The following RASA2 variants were observed in gnomAD, a reference collection of about 807,000 sequenced individuals.
RASA2 encodes the protein ras GTPase-activating protein 2.
RASA2 carries 155 observed loss-of-function variants against 118.2 expected under a neutral mutation model. The ratio of observed to expected loss-of-function variants is 1.31; its 90% CI spans 1.15 to 1.50. The LOEUF (loss-of-function observed/expected upper bound fraction) is 1.50, where lower values mean the gene tolerates loss of function less well. RASA2 is among the 40% of genes most tolerant of loss of function. The pLI, the probability that RASA2 is intolerant of heterozygous loss-of-function variation, is 0.00. For synonymous variants in RASA2, 353 were observed against 349.1 expected, an observed-to-expected ratio of 1.01 and a Z score of -0.12; for missense variants, 1,016 against 1,009.6, an observed-to-expected ratio of 1.01 and a Z score of -0.09.
At chr3:141,496,619 T>C (rs1249261696) in intron 1 of RASA2, among the ~76,000 whole-genome samples, 5 of 151,728 alleles carry the variant, frequency 3.3e-5, no homozygotes, top group Admixed American at 6.6e-5. Context: ...AATGAGATAC[T>C]ATCTCACACC....
intron 1 of RASA2, among the ~76,000 whole-genome samples, chr3:141,487,867 T>C (rs2081597439): frequency 6.6e-6 from 1 of 152,130 alleles, no homozygotes; most frequent in South Asian, 2.1e-4. Context: ...CACCTGTACT[T>C]GCCCCACCTC....
intron 2 of RASA2, among the ~76,000 whole-genome samples, chr3:141,514,788 C>T (rs780660867): frequency 1.3e-5 from 2 of 152,084 alleles, no homozygotes; most frequent in Non-Finnish European, 1.5e-5. Context: ...CATCACTAGG[C>T]GAATGGATTT....
intron 1 of RASA2, among the ~76,000 whole-genome samples, chr3:141,488,617 A>C (rs952676756): frequency 6.6e-6 from 1 of 152,206 alleles, no homozygotes; most frequent in African/African-American, 2.4e-5. Context: ...AGAGAGGTAG[A>C]TCTTAGTTCC....
In RASA2 at chr3:141,613,410, A is replaced by G. The variant is rs894335596; in HGVS notation, c.*1097A>G. The G allele has an allele frequency of 6.6e-6, 1 of 152,204 alleles. No homozygotes were observed. The highest frequency in any genetic ancestry group is 2.4e-5 in the African/African-American group (1 of 41,442). The allele number at this position is 152,204 out of a possible 1,614,324, so 9.4% of individuals were successfully genotyped here. On this transcript the variant is annotated 3_prime_UTR_variant, in exon 24 of 24. Coordinates refer to ENST00000286364, the MANE Select transcript of RASA2 (RefSeq NM_006506.5). Reference sequence around the variant, plus strand: ...CTGCTAGCCAAATGGAATTTGGGCAAGCAACTCTTTGAAGACTTTTTTACC... The same window carrying G: ...CTGCTAGCCAAATGGAATTTGGGCAGGCAACTCTTTGAAGACTTTTTTACC...
At chr3:141,529,080 C>T (rs1276253725) in intron 3 of RASA2, among the ~76,000 whole-genome samples, 1 of 151,984 alleles carries the variant, frequency 6.6e-6, no homozygotes, top group Non-Finnish European at 1.5e-5. Context: ...TGTACTGTAT[C>T]TTCCTCTGAG....
intron 18 of RASA2, among the ~76,000 whole-genome samples, 181 bp from the exon 19 acceptor site, chr3:141,586,452 TTAAATTAATTAAA>T (rs2083203354): frequency 2.0e-5 from 3 of 152,206 alleles, no homozygotes; most frequent in Non-Finnish European, 2.9e-5. Context: ...ATTAAAAATA[TTAAATTAATTAAA>T]GACCTTATTC....
intron 3 of RASA2, among the ~76,000 whole-genome samples, chr3:141,522,117 T>C (rs2082119756): frequency 6.6e-6 from 1 of 152,112 alleles, no homozygotes; most frequent in Admixed American, 6.5e-5. Context: ...GAGTAATGTA[T>C]GGATTTTTTT....
rs114140780 is a variant in RASA2 at position 141,544,545 on chromosome 3, G to C, written c.527+3936G>C. ...TTTCCTCTGTCTTCTTCATTCTTCT[G>C]TTTAGCTTATCTGTTGAGTTTTTTA... On this transcript the variant is annotated intron_variant, in intron 5 of 23. Transcript: ENST00000286364. 3.2e-3 allele frequency among the ~76,000 whole-genome samples: 488 copies of C among 151,992 alleles called. 2 individuals carry two copies. Among genetic ancestry groups the C allele is most frequent in the Non-Finnish European group, 4.4e-3 (299 of 67,950 alleles).
intron 15 of RASA2, 131 bp downstream of exon 15, chr3:141,577,237 T>C (rs1485206092): frequency 3.0e-6 from 2 of 668,558 alleles, no homozygotes; most frequent in Non-Finnish European, 4.8e-6. Flanking sequence ...CTCAGCATTT[T>C]TCTTGGCCAT....
At chr3:141,527,184 C>T (rs1360946087) in intron 3 of RASA2, among the ~76,000 whole-genome samples, 2 of 152,116 alleles carry the variant, frequency 1.3e-5, no homozygotes, top group East Asian at 3.8e-4. Flanking sequence ...TTGTAGGCAA[C>T]CCTCTTTTAG....
chr3:141,575,495 G>A (rs763188301), intron 14 of RASA2, among the ~76,000 whole-genome samples: 6 of 152,214 alleles, frequency 3.9e-5, no homozygotes, highest in Non-Finnish European at 8.8e-5. Context: ...CACACACAGT[G>A]TTAGTGTGTT....
At chr3:141,546,316 A>G (rs2082485078) in intron 5 of RASA2, among the ~76,000 whole-genome samples, 1 of 152,202 alleles carries the variant, frequency 6.6e-6, no homozygotes, top group Admixed American at 6.5e-5. Context: ...GCAGTGTACA[A>G]GGGTTCCCTT....
chr3:141,605,407 T>G lies in RASA2; in HGVS notation c.1934-2271T>G, dbSNP rs188455382. On this transcript the variant is annotated intron_variant, in intron 19 of 23. Transcript: ENST00000286364. ...TTCACTAACTCACATTGCAGTTCACTCCAGTTAACACTGTTAACTGTGAAA... is the reference window on the plus strand; with the variant it reads ...TTCACTAACTCACATTGCAGTTCACGCCAGTTAACACTGTTAACTGTGAAA... 5.3e-5 allele frequency among the ~76,000 whole-genome samples: 8 copies of G among 152,304 alleles called. No individual in the cohort carries two copies. In the East Asian group the frequency reaches 1.5e-3, roughly 29 times the overall value.
chr3:141,529,574 A>C, intron 3 of RASA2, 134 bp from the exon 4 acceptor site: 1 of 525,150 alleles, frequency 1.9e-6, no homozygotes, highest in Non-Finnish European at 3.0e-6. Context: ...ATGCTTTATA[A>C]AAATGGATTT....
intron 14 of RASA2, among the ~76,000 whole-genome samples, chr3:141,576,411 C>G (rs2083012987): frequency 6.6e-6 from 1 of 152,176 alleles, no homozygotes; most frequent in South Asian, 2.1e-4. Context: ...CACCATCTGT[C>G]TGATTGTTGG....
At chr3:141,513,436 A>G (rs565972941) in intron 2 of RASA2, among the ~76,000 whole-genome samples, 65 of 152,306 alleles carry the variant, frequency 4.3e-4, no homozygotes, top group African/African-American at 1.6e-3. Flanking sequence ...TACTTTAAAC[A>G]TAATATTTGA....
At chr3:141,556,432 T>C (rs1160588495) in intron 7 of RASA2, among the ~76,000 whole-genome samples, 1 of 152,164 alleles carries the variant, frequency 6.6e-6, no homozygotes, top group African/African-American at 2.4e-5. Context: ...TGAGAATCCT[T>C]TGAGACCATA....
chr3:141,487,050 G>A lies in RASA2; in HGVS notation c.-34G>A, dbSNP rs774710279. ...GGGCTCCGCCTCGCCCGGCTACGCA[G>A]GCGGCAGGGCTGCGGCACGGGCCGG... On this transcript the variant is annotated 5_prime_UTR_variant, in exon 1 of 24. Coordinates refer to ENST00000286364, the MANE Select transcript of RASA2 (RefSeq NM_006506.5). 4.5e-4 allele frequency: 544 copies of A among 1,200,926 alleles called. 1 individual carries two copies. The highest frequency in any genetic ancestry group is 3.5e-3 in the Middle Eastern group (10 of 2,870). 74.4% of individuals were successfully genotyped at this position (1,200,926 alleles called of 1,614,324 possible).
chr3:141,593,055 T>C (rs532150330), intron 19 of RASA2, among the ~76,000 whole-genome samples: 14 of 152,166 alleles, frequency 9.2e-5, no homozygotes, highest in East Asian at 1.9e-4. Flanking sequence ...CTGGCTAAGA[T>C]TGATTGATTG....
Sources: gnomAD v4.1 joint callset for allele counts (sites outside exome capture counted in the v4.1 genomes callset) on GRCh38, gnomAD v4.1.1 for gene constraint, MANE v1.5 for transcripts, NCBI Gene and HGNC (gene_info 2026-07-23, HGNC 2026-07-21) for gene names.